The following HFM1 variants were observed in gnomAD, a reference collection of about 807,000 sequenced individuals.
The protein encoded by HFM1 is helicase for meiosis 1.
A neutral mutation model predicts 192.1 loss-of-function variants in HFM1; 169 were observed. The observed-to-expected ratio is 0.88, with a 90% CI of 0.78 to 1.00. The LOEUF is 1.00. Among genes scored for constraint, HFM1 ranks in the 50% least tolerant of loss-of-function variants. HFM1 has a pLI of 0.00. For synonymous variants in HFM1, 525 were observed against 537.8 expected (o/e 0.98, Z 0.33); for missense variants, 1,661 against 1,668.0 (o/e 1.00, Z 0.07).
At position 91,396,387 on chromosome 1, in the gene HFM1, C is replaced by T; in HGVS notation, c.90G>A (p.Lys30=). 1 of 1,586,194 alleles carries T rather than the reference C, an allele frequency of 6.3e-7. No homozygotes were observed. Among genetic ancestry groups the T allele is most frequent in the Non-Finnish European group, 8.6e-7 (1 of 1,159,538 alleles). ...CAGGAGGGAGAAACCAATCCAATGA[C>T]TTTTCATTGTCTGGATGGCTATATA... ...DEVENHPDNE[K]SLDWFLPPAP... is the part of the protein sequence containing the mutation. The change falls in exon 3 of 39, where the codon AAG becomes AAA. Residue 30 remains lysine, a synonymous_variant. Coordinates refer to ENST00000370425, the MANE Select transcript of HFM1 (RefSeq NM_001017975.6).
chr1:91,372,181 G>A (rs1009448732), intron 13 of HFM1, among the ~76,000 whole-genome samples: 2 of 152,178 alleles, frequency 1.3e-5, no homozygotes, highest in Admixed American at 6.5e-5. Context: ...TCATTGTGGC[G>A]ATTCCTCGGG....
At chr1:91,354,451 A>T (rs1036974757) in intron 13 of HFM1, among the ~76,000 whole-genome samples, 1 of 152,072 alleles carries the variant, frequency 6.6e-6, no homozygotes, top group Non-Finnish European at 1.5e-5. Flanking sequence ...AAAACTTCCC[A>T]AGTCTTGGGA....
rs767901171 is a variant in HFM1 at position 91,375,619 on chromosome 1, T to G, written c.1504A>C (p.Ser502Arg). Residue 502 changes from serine to arginine, a missense_variant, in exon 12 of 39, where the codon AGT becomes CGT. Transcript: ENST00000370425. Reference sequence around the variant, plus strand: ...TCAAACTTAAACTCAGTTTGGTTACTACTGCAGGGAAATCCAAGGACCACT... The same window carrying G: ...TCAAACTTAAACTCAGTTTGGTTACGACTGCAGGGAAATCCAAGGACCACT... Reference protein sequence around the residue: ...QKVVLGFPCSSNQTEFKFDLT... With the variant: ...QKVVLGFPCSRNQTEFKFDLT... 6.2e-7 allele frequency: 1 copy of G among 1,613,454 alleles called. No homozygotes were observed. Among genetic ancestry groups the G allele is most frequent in the South Asian group, 1.1e-5 (1 of 91,066 alleles).
intron 13 of HFM1, among the ~76,000 whole-genome samples, chr1:91,374,805 G>T (rs191721975): frequency 2.0e-4 from 30 of 152,250 alleles, no homozygotes; most frequent in African/African-American, 5.8e-4. Context: ...ATAAATGTGG[G>T]AATTCATAGA....
At position 91,306,060 on chromosome 1, in the gene HFM1, C is replaced by T. The variant is rs138540463; in HGVS notation, c.3391+7289G>A. ...TATATTTAAGAAGTTCCAGGCCAGG[C>T]GTGGTGGCTCACCCTGTAATCCCAG... On this transcript the variant is annotated intron_variant, in intron 30 of 38. Coordinates refer to ENST00000370425, the MANE Select transcript of HFM1 (RefSeq NM_001017975.6). Among the ~76,000 whole-genome samples, 343 of 152,146 alleles carry T rather than the reference C, an allele frequency of 2.3e-3. 1 individual carries two copies. Among genetic ancestry groups the T allele is most frequent in the African/African-American group, 7.8e-3 (325 of 41,532 alleles).
At position 91,316,484 on chromosome 1, in the gene HFM1, AAATT is replaced by A; in HGVS notation, c.2813-12_2813-9del. 1 of 1,304,212 alleles carries A rather than the reference AAATT, an allele frequency of 7.7e-7. No homozygotes were observed. The highest frequency in any genetic ancestry group is 1.0e-6 in the Non-Finnish European group (1 of 954,222). The allele number at this position is 1,304,212 out of a possible 1,614,324, so 80.8% of individuals were successfully genotyped here. On this transcript the variant is annotated splice_polypyrimidine_tract_variant and intron_variant, in intron 25 of 38. Coordinates refer to ENST00000370425, the MANE Select transcript of HFM1 (RefSeq NM_001017975.6). The stretch of plus-strand genomic sequence containing the variant: ...CATTTGACAATGTTATACCTGTGGA[AAATT>A]AATCAAACAACAACTTAAAAATAAT...
intron 13 of HFM1, among the ~76,000 whole-genome samples, chr1:91,358,283 C>CAA (rs146195160): frequency 6.6e-6 from 1 of 151,070 alleles, no homozygotes; most frequent in African/African-American, 2.4e-5. Context: ...GACTCCATCT[C>CAA]AAAAAAAAAA....
At chr1:91,399,500 C>T (rs1664056489) in intron 2 of HFM1, among the ~76,000 whole-genome samples, 1 of 152,158 alleles carries the variant, frequency 6.6e-6, no homozygotes, top group Non-Finnish European at 1.5e-5. Flanking sequence ...AATCCTTATT[C>T]CAGCATTCAA....
At chr1:91,311,873 T>C (rs1040230090) in intron 30 of HFM1, among the ~76,000 whole-genome samples, 6 of 152,134 alleles carry the variant, frequency 3.9e-5, no homozygotes, top group Non-Finnish European at 7.4e-5. Context: ...CCCAGGTCCC[T>C]GTGCTGTGTG....
chr1:91,370,654 G>T (rs968921457), intron 13 of HFM1, among the ~76,000 whole-genome samples: 13 of 152,194 alleles, frequency 8.5e-5, no homozygotes, highest in Admixed American at 6.5e-4. Flanking sequence ...GGCAAAAACT[G>T]GAAGCATTCC....
At chr1:91,365,929 T>G (rs886409791) in intron 13 of HFM1, among the ~76,000 whole-genome samples, 10 of 148,290 alleles carry the variant, frequency 6.7e-5, no homozygotes, top group African/African-American at 2.5e-4. Flanking sequence ...GTAGCAGCAC[T>G]GTAATTCAAA....
chr1:91,280,253 G>A (rs1667340496), intron 30 of HFM1, among the ~76,000 whole-genome samples: 1 of 152,150 alleles, frequency 6.6e-6, no homozygotes, highest in Admixed American at 6.5e-5. Flanking sequence ...AAAGAAGGAG[G>A]AGAAATTAGA....
rs115805466 is a variant in HFM1, at chr1:91,285,332, C to T, written c.3392-8270G>A. ...TATAGTCCTATAATTTGATGATATA[C>T]AAAATTGAAACATTTGTTCAACTTG... On this transcript the variant is annotated intron_variant, in intron 30 of 38. Coordinates refer to ENST00000370425, the MANE Select transcript of HFM1 (RefSeq NM_001017975.6). Among the ~76,000 whole-genome samples the T allele has an allele frequency of 6.7e-3, 1,014 of 152,174 alleles. 5 individuals carry two copies. The highest frequency in any genetic ancestry group is 9.2e-3 in the Non-Finnish European group (627 of 68,018).
chr1:91,275,444 G>T (rs543135584), intron 32 of HFM1, among the ~76,000 whole-genome samples: 1 of 152,290 alleles, frequency 6.6e-6, no homozygotes, highest in African/African-American at 2.4e-5. Flanking sequence ...TTTTCAAACA[G>T]TTATATCCAG....
rs766701807 is a variant in HFM1 at position 91,322,968 on chromosome 1, CTTGTT to C, written c.2559_2563del (p.Thr854ArgfsTer57). On this transcript the variant is annotated frameshift_variant, in exon 23 of 39. Transcript: ENST00000370425. LOFTEE classifies it high-confidence loss of function. ...TCTTTACCAATTTACTTTCATTTCT[CTTGTT>C]TTAATTCTTCCTTCCATTGGAAATC... 1.3e-5 allele frequency: 18 copies of C among 1,371,500 alleles called. No individual in the cohort carries two copies. Among genetic ancestry groups the C allele is most frequent in the East Asian group, 2.6e-5 (1 of 38,784 alleles). 85.0% of individuals were successfully genotyped at this position (1,371,500 alleles called of 1,614,324 possible).
At chr1:91,293,177 G>A (rs1668982809) in intron 30 of HFM1, among the ~76,000 whole-genome samples, 1 of 152,042 alleles carries the variant, frequency 6.6e-6, no homozygotes, top group Non-Finnish European at 1.5e-5. Flanking sequence ...CAAAAGCAAT[G>A]GCAACAAAAG....
intron 13 of HFM1, among the ~76,000 whole-genome samples, chr1:91,366,995 G>A (rs1659419067): frequency 6.6e-6 from 1 of 152,226 alleles, no homozygotes; most frequent in Non-Finnish European, 1.5e-5. Context: ...TACACCCACA[G>A]AGCCTCGCTC....
In HFM1 at chr1:91,381,991, C is replaced by G. The variant is rs140976765; in HGVS notation, c.803-1009G>C. On this transcript the variant is annotated intron_variant, in intron 6 of 38. Coordinates refer to ENST00000370425, the MANE Select transcript of HFM1 (RefSeq NM_001017975.6). ...CATGATCGTCTCCCCACTGCCACTC[C>G]CTCCCCGCATCAGCCCCTGCCTTTA... 1.6e-3 allele frequency among the ~76,000 whole-genome samples: 241 copies of G among 152,170 alleles called. 3 individuals carry two copies. The East Asian group carries it at 0.023, about 15-fold the overall frequency.
chr1:91,261,469 T>C (rs1230699042), intron 38 of HFM1, 110 bp from the exon 39 acceptor site: 1 of 476,044 alleles, frequency 2.1e-6, no homozygotes, highest in Non-Finnish European at 3.5e-6. Context: ...TGAAGATTGC[T>C]ATGAAGTTAA....
Sources: gnomAD v4.1 joint callset for allele counts (sites outside exome capture counted in the v4.1 genomes callset) on GRCh38, gnomAD v4.1.1 for gene constraint, MANE v1.5 for transcripts, NCBI Gene and HGNC (gene_info 2026-07-23, HGNC 2026-07-21) for gene names.